The following RGS8 variants were observed in gnomAD, a reference collection of about 807,000 sequenced individuals.
RGS8 encodes regulator of G protein signaling 8, also known as regulator of G-protein signaling 8.
RGS8 carries 8 observed loss-of-function variants against 21.7 expected under a neutral mutation model. The ratio of observed to expected loss-of-function variants is 0.37; its 90% confidence interval spans 0.22 to 0.66. The LOEUF (loss-of-function observed/expected upper bound fraction) is 0.66, where lower values mean the gene tolerates loss of function less well. Among genes scored for constraint, RGS8 ranks in the 30% least tolerant of loss-of-function variants. The probability of loss-of-function intolerance (pLI) is 0.59; values close to 1 mark genes in which losing one functional copy is unlikely to be tolerated. For missense variants in RGS8, 157 were observed against 217.9 expected (o/e 0.72, Z 1.76); for synonymous variants, 80 against 83.6 (o/e 0.96, Z 0.24).
At chr1:182,737,747 C>G in the RGS8 span, among the ~76,000 whole-genome samples, 2 of 152,174 alleles carry the variant, frequency 1.3e-5, no homozygotes, top group South Asian at 4.1e-4. Context: ...ATAACATTCA[C>G]AGATCCAGAG....
the RGS8 span, among the ~76,000 whole-genome samples, chr1:182,748,854 G>A: frequency 2.6e-5 from 4 of 152,114 alleles, no homozygotes; most frequent in Non-Finnish European, 1.5e-5. Flanking sequence ...CTGACAATTA[G>A]TGATGTTGAG....
chr1:182,743,946 C>T, the RGS8 span, among the ~76,000 whole-genome samples: 1 of 152,154 alleles, frequency 6.6e-6, no homozygotes, highest in Non-Finnish European at 1.5e-5. Context: ...CTTCAGAGTA[C>T]TACCTCTTCC....
the RGS8 span, among the ~76,000 whole-genome samples, chr1:182,721,005 A>G: frequency 2.0e-5 from 2 of 102,400 alleles, no homozygotes; most frequent in Non-Finnish European, 4.1e-5. Flanking sequence ...GTGTGTATAT[A>G]TACATATATA....
chr1:182,661,295 G>T (rs979854843), intron 5 of RGS8, among the ~76,000 whole-genome samples: 3 of 151,926 alleles, frequency 2.0e-5, no homozygotes, highest in Admixed American at 6.6e-5. Context: ...CCCTGGGCCT[G>T]GTGGGATAGG....
At chr1:182,672,952 C>T (rs1393104352), upstream of RGS8, 10 of 1,153,750 alleles carry the variant, frequency 8.7e-6, no homozygotes, top group Admixed American at 1.7e-4. Flanking sequence ...ATCAGAAATG[C>T]AAATGTTCAG....
the RGS8 span, among the ~76,000 whole-genome samples, chr1:182,739,868 C>CAGGGA: frequency 5.3e-5 from 8 of 152,126 alleles, no homozygotes; most frequent in African/African-American, 1.9e-4. Context: ...AGAATCTAAG[C>CAGGGA]AGGGAAGGGA....
At chr1:182,694,903 G>A in the RGS8 span, among the ~76,000 whole-genome samples, 1 of 152,032 alleles carries the variant, frequency 6.6e-6, no homozygotes, top group East Asian at 1.9e-4. Flanking sequence ...ATTGCAGAAT[G>A]AAGGATAAGT....
chr1:182,671,669 G>T lies in RGS8; in HGVS notation c.-116C>A, dbSNP rs771724208. 1 of 1,614,184 alleles carries T rather than the reference G, an allele frequency of 6.2e-7. No homozygotes were observed. The highest frequency in any genetic ancestry group is 8.5e-7 in the Non-Finnish European group (1 of 1,179,994). The stretch of plus-strand genomic sequence containing the variant: ...AGGCAATACTCACTGTCTTTGGCCA[G>T]TCCTCATGGCCTGAGGGTCTTTGCC... On this transcript the variant is annotated 5_prime_UTR_variant, in exon 2 of 7. The change creates a new upstream start codon in the 5' untranslated region. Coordinates refer to ENST00000483095, the Ensembl canonical transcript of RGS8.
the RGS8 span, chr1:182,712,716 G>C: frequency 2.0e-5 from 3 of 152,110 alleles, no homozygotes; most frequent in Non-Finnish European, 4.4e-5. Context: ...ATTAAAACCT[G>C]CACAAAAAGT....
intron 5 of RGS8, among the ~76,000 whole-genome samples, chr1:182,659,208 C>T (rs1053242201): frequency 6.6e-6 from 1 of 152,202 alleles, no homozygotes; most frequent in Non-Finnish European, 1.5e-5. Flanking sequence ...GGGTTTACAA[C>T]TCCTATTCCA....
chr1:182,697,635 C>CT, the RGS8 span, among the ~76,000 whole-genome samples: 1 of 152,166 alleles, frequency 6.6e-6, no homozygotes, highest in Non-Finnish European at 1.5e-5. Flanking sequence ...AGGCTGAATC[C>CT]TTATTGAAAG....
chr1:182,751,409 G>A, the RGS8 span, among the ~76,000 whole-genome samples: 1 of 152,080 alleles, frequency 6.6e-6, no homozygotes. Flanking sequence ...TAGGTGTCAG[G>A]TACCAGGGTC....
At chr1:182,655,529 G>A (rs907254295) in intron 5 of RGS8, among the ~76,000 whole-genome samples, 11 of 152,196 alleles carry the variant, frequency 7.2e-5, no homozygotes, top group Non-Finnish European at 1.3e-4. Context: ...TGAACTCATA[G>A]CCAGCTCTCA....
At chr1:182,741,796 A>G in the RGS8 span, among the ~76,000 whole-genome samples, 4 of 96,402 alleles carry the variant, frequency 4.1e-5, no homozygotes, top group African/African-American at 1.5e-4. Context: ...CTGGCCGCGC[A>G]GAGGGGCTCC....
At chr1:182,672,263 G>C (rs1276860185), upstream of RGS8, 1 of 176,342 alleles carries the variant, frequency 5.7e-6, no homozygotes, top group African/African-American at 2.4e-5. Context: ...TCTTGCCCCA[G>C]ACAGCTGCTG....
chr1:182,654,254 T>C (rs2102415211), intron 5 of RGS8, among the ~76,000 whole-genome samples: 1 of 152,178 alleles, frequency 6.6e-6, no homozygotes, highest in East Asian at 1.9e-4. Flanking sequence ...GAAAGGGTAT[T>C]GAAAATGGGA....
chr1:182,651,760 C>CT (rs1290639261), intron 5 of RGS8, among the ~76,000 whole-genome samples: 1 of 152,182 alleles, frequency 6.6e-6, no homozygotes, highest in African/African-American at 2.4e-5. Context: ...ATCCCCACTG[C>CT]TTGTAGGAGG....
At chr1:182,705,310 G>A in the RGS8 span, among the ~76,000 whole-genome samples, 1 of 152,140 alleles carries the variant, frequency 6.6e-6, no homozygotes, top group African/African-American at 2.4e-5. Context: ...AGCTCAAGCA[G>A]ACAGAGCAAA....
chr1:182,670,582 G>T (rs900792109), intron 2 of RGS8, among the ~76,000 whole-genome samples: 2 of 152,150 alleles, frequency 1.3e-5, no homozygotes, highest in African/African-American at 4.8e-5. Flanking sequence ...TCCCCTGGGG[G>T]ACTCTGACAT....
Sources: allele counts gnomAD v4.1 joint callset (sites outside exome capture counted in the v4.1 genomes callset), GRCh38; gene constraint gnomAD v4.1.1; transcripts MANE v1.5; gene names NCBI Gene and HGNC (gene_info 2026-07-23, HGNC 2026-07-21).